POF1B: variants seen among roughly 807,000 people sequenced by gnomAD.
POF1B encodes the protein protein POF1B.
POF1B carries 53 observed loss-of-function variants against 55.3 expected under a neutral mutation model. The observed-to-expected ratio is 0.96, with a 90% CI of 0.77 to 1.20. The LOEUF is 1.20. Ranked by LOEUF, POF1B falls within the 50% of genes most tolerant of loss-of-function variation. The probability of loss-of-function intolerance (pLI) is 0.00; values close to 1 mark genes in which losing one functional copy is unlikely to be tolerated. For missense variants in POF1B, 478 were observed against 420.5 expected (o/e 1.14, Z -1.20); for synonymous variants, 188 against 148.3 (o/e 1.27, Z -1.95).
chrX:85,288,232 C>T (rs945279045), intron 15 of POF1B, among the ~76,000 whole-genome samples: 5 of 111,744 alleles, frequency 4.5e-5, no homozygotes, highest in Admixed American at 9.5e-5. Context: ...CTTCATCCAA[C>T]TACCTCCTGC....
At chrX:85,358,385 T>G (rs1339519351) in intron 4 of POF1B, among the ~76,000 whole-genome samples, 1 of 111,293 alleles carries the variant, frequency 9.0e-6, no homozygotes, top group Admixed American at 9.6e-5. Flanking sequence ...AGCTGTATGC[T>G]CCTTTAATTG....
intron 16 of POF1B, 22 bp from the exon 17 acceptor site, chrX:85,279,448 T>C: frequency 8.5e-7 from 1 of 1,173,907 alleles, no homozygotes; most frequent in South Asian, 1.8e-5. Flanking sequence ...AAAAAAAGGT[T>C]ATCTTACAAC....
At chrX:85,348,131 A>G (rs1211392937) in intron 5 of POF1B, among the ~76,000 whole-genome samples, 1 of 111,260 alleles carries the variant, frequency 9.0e-6, no homozygotes, top group African/African-American at 3.3e-5. Flanking sequence ...TGAATAGAAC[A>G]CTGACATTCC....
At chrX:85,372,320 G>T (rs1467980309) in intron 2 of POF1B, among the ~76,000 whole-genome samples, 1 of 102,534 alleles carries the variant, frequency 9.8e-6, no homozygotes, top group Non-Finnish European at 2.0e-5. Flanking sequence ...CTCCAGGCTG[G>T]GCGACAGAGC....
intron 3 of POF1B, among the ~76,000 whole-genome samples, chrX:85,360,911 T>C (rs1252969600): frequency 9.0e-6 from 1 of 111,111 alleles, no homozygotes; most frequent in African/African-American, 3.3e-5. Flanking sequence ...TTGTTAATAA[T>C]AGTCATTCTG....
At chrX:85,336,041 C>G (rs977744458) in intron 6 of POF1B, among the ~76,000 whole-genome samples, 1 of 110,513 alleles carries the variant, frequency 9.0e-6, no homozygotes, top group Non-Finnish European at 1.9e-5. Context: ...CCATACTCTA[C>G]TCTCTATCTC....
At chrX:85,345,740 AC>A in intron 6 of POF1B, 119 bp downstream of exon 6, 1 of 637,048 alleles carries the variant, frequency 1.6e-6, no homozygotes, top group Non-Finnish European at 2.2e-6. Context: ...AGGCACAAAT[AC>A]CAGTGATATA....
intron 3 of POF1B, 62 bp from the exon 4 acceptor site, chrX:85,359,692 A>G: frequency 1.3e-6 from 1 of 766,930 alleles, no homozygotes; most frequent in Non-Finnish European, 1.9e-6. Flanking sequence ...GGAGCTATCA[A>G]TAATAATAGG....
chrX:85,343,344 T>C (rs910328731), intron 6 of POF1B, among the ~76,000 whole-genome samples: 1 of 110,969 alleles, frequency 9.0e-6, no homozygotes, highest in Non-Finnish European at 1.9e-5. Context: ...GCCCCTTTAC[T>C]GAGTAGACAA....
At chrX:85,340,945 A>C (rs1251839789) in intron 6 of POF1B, among the ~76,000 whole-genome samples, 1 of 111,630 alleles carries the variant, frequency 9.0e-6, no homozygotes, top group Non-Finnish European at 1.9e-5. Context: ...CGAATAAAAG[A>C]AGCAAAATAA....
chrX:85,322,482 A>G (rs768548677), intron 7 of POF1B, among the ~76,000 whole-genome samples: 2 of 112,137 alleles, frequency 1.8e-5, no homozygotes, highest in East Asian at 5.6e-4. Context: ...ACCTAAAACC[A>G]TAAAAACCCT....
intron 4 of POF1B, among the ~76,000 whole-genome samples, chrX:85,355,088 T>C (rs1045615610): frequency 2.7e-5 from 3 of 111,497 alleles, no homozygotes; most frequent in Non-Finnish European, 5.7e-5. Context: ...CAAAACAGCA[T>C]GGTACTGGTA....
chrX:85,294,915 C>T (rs1485383425), intron 15 of POF1B, among the ~76,000 whole-genome samples: 2 of 111,289 alleles, frequency 1.8e-5, no homozygotes, highest in African/African-American at 6.5e-5. Flanking sequence ...CATTATTTGT[C>T]AGTTCAAGTT....
rs1569295181 is a variant in POF1B, at chrX:85,351,447, G to A, written c.443C>T (p.Pro148Leu). 1 of 1,166,281 alleles carries A rather than the reference G, an allele frequency of 8.6e-7. No individual in the cohort carries two copies. The change falls in exon 5 of 17, where the codon CCA (proline) becomes CTA (leucine). Residue 148 changes from proline (P) to leucine (L), a missense_variant. Coordinates refer to ENST00000262753, the MANE Select transcript of POF1B (RefSeq NM_024921.4). ...KYVVQNPEQEPLSQFLRGSHF... is the reference protein window; with the variant it reads ...KYVVQNPEQELLSQFLRGSHF... The stretch of plus-strand genomic sequence containing the variant: ...GCTTCCTCTTAGGAATTGAGACAGT[G>A]GTTCCTAAAATGATAGTAAATTATA...
At chrX:85,331,349 A>G (rs1328212149) in intron 6 of POF1B, among the ~76,000 whole-genome samples, 1 of 111,910 alleles carries the variant, frequency 8.9e-6, no homozygotes, top group Non-Finnish European at 1.9e-5. Flanking sequence ...GCACTTAAAT[A>G]AAACAGCAAA....
intron 9 of POF1B, among the ~76,000 whole-genome samples, chrX:85,309,757 G>A (rs1202021362): frequency 1.8e-5 from 2 of 111,802 alleles, no homozygotes; most frequent in African/African-American, 6.5e-5. Flanking sequence ...GACCACCAAA[G>A]GCCAAGAAGA....
intron 7 of POF1B, among the ~76,000 whole-genome samples, chrX:85,328,702 C>A (rs772942871): frequency 2.7e-5 from 3 of 110,618 alleles, no homozygotes; most frequent in African/African-American, 6.6e-5. Flanking sequence ...ATTTCTAATT[C>A]TTTAGGTCTA....
At chrX:85,325,642 G>A (rs1407652705) in intron 7 of POF1B, among the ~76,000 whole-genome samples, 1 of 111,450 alleles carries the variant, frequency 9.0e-6, no homozygotes, top group Non-Finnish European at 1.9e-5. Flanking sequence ...GATGATCTTT[G>A]TTCCTATCCA....
intron 3 of POF1B, among the ~76,000 whole-genome samples, chrX:85,365,318 C>A (rs1452594301): frequency 8.9e-6 from 1 of 111,966 alleles, no homozygotes; most frequent in Non-Finnish European, 1.9e-5. Flanking sequence ...ATTTGGAGGA[C>A]ATAAGCCACT....
Sources: allele counts gnomAD v4.1 joint callset (sites outside exome capture counted in the v4.1 genomes callset), GRCh38; gene constraint gnomAD v4.1.1; transcripts MANE v1.5; gene names NCBI Gene and HGNC (gene_info 2026-07-23, HGNC 2026-07-21).